Variants in SYK observed in about 807,000 individuals in gnomAD.
SYK encodes tyrosine-protein kinase SYK.
In SYK, 16 loss-of-function variants were observed where a neutral mutation model predicts 77.8. That is an observed-to-expected ratio of 0.21 (90% CI 0.14 to 0.31). The LOEUF (loss-of-function observed/expected upper bound fraction) is 0.31, where lower values mean the gene tolerates loss of function less well. Ranked by LOEUF, SYK falls within the 10% of genes least tolerant of loss-of-function variation. The probability of loss-of-function intolerance (pLI) is 1.00; values close to 1 mark genes in which losing one functional copy is unlikely to be tolerated. For synonymous variants in SYK, 312 were observed against 308.7 expected, an observed-to-expected ratio of 1.01 and a Z score of -0.11; for missense variants, 529 against 814.4, an observed-to-expected ratio of 0.65 and a Z score of 4.26.
chr9:90,864,680 G>A lies in SYK; in HGVS notation c.796+13G>A, dbSNP rs1312803521. ...ATCGGCACACAGGGTGAGTTCCCAAGACACTGGAGTCTCAGTGTTTGAGGT... is the reference window on the plus strand; with the variant it reads ...ATCGGCACACAGGGTGAGTTCCCAAAACACTGGAGTCTCAGTGTTTGAGGT... On this transcript the variant is annotated intron_variant, in intron 5 of 13. Coordinates refer to ENST00000375754, the MANE Select transcript of SYK (RefSeq NM_003177.7). 1.2e-6 allele frequency: 2 copies of A among 1,609,092 alleles called. No individual in the cohort carries two copies. The highest frequency in any genetic ancestry group is 1.7e-6 in the Non-Finnish European group (2 of 1,175,434).
chr9:90,857,612 A>T (rs1165361548), intron 3 of SYK, among the ~76,000 whole-genome samples: 2 of 152,190 alleles, frequency 1.3e-5, no homozygotes, highest in Admixed American at 1.3e-4. Context: ...AGCACTCAGA[A>T]GTTGCATTAT....
chr9:90,805,164 A>C (rs1824770408), intron 1 of SYK, among the ~76,000 whole-genome samples: 2 of 152,232 alleles, frequency 1.3e-5, no homozygotes, highest in South Asian at 4.1e-4. Context: ...GATTTCTGGC[A>C]GCTGGCCAAA....
At chr9:90,808,409 C>G (rs570524244) in intron 1 of SYK, among the ~76,000 whole-genome samples, 2 of 151,298 alleles carry the variant, frequency 1.3e-5, no homozygotes, top group South Asian at 4.2e-4. Context: ...TGGTGCCTCT[C>G]TCTCCTGCTG....
chr9:90,862,411 A>G (rs1587878995), intron 4 of SYK, 67 bp downstream of exon 4: 1 of 1,533,142 alleles, frequency 6.5e-7, no homozygotes, highest in African/African-American at 1.4e-5. Flanking sequence ...TGTCCCATGG[A>G]CTCTTAGACA....
chr9:90,819,522 A>C (rs1204808501), intron 1 of SYK, among the ~76,000 whole-genome samples: 2 of 152,196 alleles, frequency 1.3e-5, no homozygotes, highest in Non-Finnish European at 2.9e-5. Context: ...GCAGCAAGAG[A>C]AAATGAGGAA....
intron 1 of SYK, among the ~76,000 whole-genome samples, chr9:90,842,758 AGTGTGTGT>A (rs60139969): frequency 5.1e-5 from 3 of 58,348 alleles, no homozygotes; most frequent in Admixed American, 3.8e-4. Context: ...GTATGGAGAG[AGTGTGTGT>A]GTGTGTGTGT....
Position 90,867,133 on chromosome 9 carries a change from T to G in SYK, c.849T>G (p.Thr283=). ...CTCTTTGCCGTTGTGGTTTCTAGAC[T>G]TGGTCAGCGGGTGGAATAATCTCAA... The part of the protein sequence containing the change: ...RPQLPGSHPA[T]WSAGGIISRI... Residue 283 remains threonine (T), a splice_region_variant and synonymous_variant, in exon 7 of 14, where the codon ACT becomes ACG. Coordinates refer to ENST00000375754, the MANE Select transcript of SYK (RefSeq NM_003177.7). The G allele has an allele frequency of 6.2e-7, 1 of 1,614,146 alleles. No individual in the cohort carries two copies. The highest frequency in any genetic ancestry group is 1.1e-5 in the South Asian group (1 of 91,082).
intron 11 of SYK, among the ~76,000 whole-genome samples, chr9:90,883,568 G>A (rs1388197464): frequency 6.6e-6 from 1 of 152,126 alleles, no homozygotes; most frequent in African/African-American, 2.4e-5. Flanking sequence ...CTTCAGGGCA[G>A]CCACTGCTGG....
At chr9:90,811,306 A>G (rs1412161963) in intron 1 of SYK, among the ~76,000 whole-genome samples, 1 of 152,238 alleles carries the variant, frequency 6.6e-6, no homozygotes, top group African/African-American at 2.4e-5. Context: ...ATCAATAAGA[A>G]AAAAGACACA....
chr9:90,892,672 G>A (rs539679448), intron 13 of SYK, among the ~76,000 whole-genome samples: 1 of 152,332 alleles, frequency 6.6e-6, no homozygotes, highest in South Asian at 2.1e-4. Flanking sequence ...CCACTGTAGT[G>A]TTTTCCAGAG....
chr9:90,894,160 G>A (rs1476924452), intron 13 of SYK, among the ~76,000 whole-genome samples: 5 of 152,210 alleles, frequency 3.3e-5, no homozygotes, highest in African/African-American at 9.6e-5. Context: ...CCCCACAGTT[G>A]GAGCAGAGCC....
intron 13 of SYK, among the ~76,000 whole-genome samples, chr9:90,893,844 G>A (rs1828886421): frequency 6.6e-6 from 1 of 152,168 alleles, no homozygotes; most frequent in African/African-American, 2.4e-5. Context: ...GGGTCACTGG[G>A]TACAAGGAGC....
rs200362937 is a variant in SYK at position 90,898,238 on chromosome 9, A to G, written c.*2638A>G. On this transcript the variant is annotated 3_prime_UTR_variant, in exon 14 of 14. Coordinates refer to ENST00000375754, the MANE Select transcript of SYK (RefSeq NM_003177.7). Reference sequence around the variant, plus strand: ...GCCGACAGTTTCTATCACAGAAAACAGTGTGTTCAGTGGTGAAAATCGTTG... The same window carrying G: ...GCCGACAGTTTCTATCACAGAAAACGGTGTGTTCAGTGGTGAAAATCGTTG... 17 of 231,310 alleles carry G rather than the reference A, an allele frequency of 7.3e-5. No individual in the cohort carries two copies. The highest frequency in any genetic ancestry group is 3.6e-4 in the South Asian group (2 of 5,512). The allele number at this position is 231,310 out of a possible 1,614,324, so 14.3% of individuals were successfully genotyped here. A position where few individuals can be genotyped will look rare whatever the true frequency, so the allele number is the denominator to read the frequency against.
At chr9:90,828,936 C>A (rs2118487472) in intron 1 of SYK, among the ~76,000 whole-genome samples, 1 of 152,264 alleles carries the variant, frequency 6.6e-6, no homozygotes, top group East Asian at 1.9e-4. Flanking sequence ...CACTGTAGCA[C>A]TTGAATAGGG....
At chr9:90,817,844 G>GTT (rs1335763167) in intron 1 of SYK, among the ~76,000 whole-genome samples, 1 of 74,104 alleles carries the variant, frequency 1.3e-5, no homozygotes, top group African/African-American at 5.3e-5. Context: ...TCTCAATAAT[G>GTT]TTGTGTGTGT....
At position 90,817,880 on chromosome 9, in the gene SYK, T is replaced by TGA. The variant is rs1345424955; in HGVS notation, c.-42+15988_-42+15989insAG. Among the ~76,000 whole-genome samples, 551 of 60,856 alleles carry TGA rather than the reference T, an allele frequency of 9.1e-3. 1 individual carries two copies. The highest frequency in any genetic ancestry group is 0.029 in the South Asian group (42 of 1,456). The allele number at this position is 60,856 out of a possible 152,430, so 39.9% of individuals were successfully genotyped here. A position where few individuals can be genotyped will look rare whatever the true frequency, so the allele number is the denominator to read the frequency against. On this transcript the variant is annotated intron_variant, in intron 1 of 13. Transcript: ENST00000375754. ...GTGTGTGTGTGTGTGTGTGTGTGTG[T>TGA]GTGAGAGAGAGAGAGAGAGAGAGAG...
At chr9:90,831,677 C>A (rs1368661387) in intron 1 of SYK, among the ~76,000 whole-genome samples, 2 of 152,214 alleles carry the variant, frequency 1.3e-5, no homozygotes. Flanking sequence ...ATACTCACAG[C>A]ACTTTTGCAG....
chr9:90,843,831 A>G (rs201683421), intron 1 of SYK, 27 bp from the exon 2 acceptor site: 1 of 1,410,070 alleles, frequency 7.1e-7, no homozygotes, highest in Non-Finnish European at 9.2e-7. Flanking sequence ...GGTCCTCACC[A>G]AAGTTCTCTG....
intron 2 of SYK, 56 bp from the exon 3 acceptor site, chr9:90,845,378 C>A: frequency 6.4e-7 from 1 of 1,555,680 alleles, no homozygotes; most frequent in Non-Finnish European, 8.7e-7. Flanking sequence ...ATGCCTTCTG[C>A]ATCATTTTCA....
Sources: gnomAD v4.1 joint callset for allele counts (sites outside exome capture counted in the v4.1 genomes callset) on GRCh38, gnomAD v4.1.1 for gene constraint, MANE v1.5 for transcripts, NCBI Gene and HGNC (gene_info 2026-07-23, HGNC 2026-07-21) for gene names.